MMAB: variants seen among roughly 807,000 people sequenced by gnomAD.
MMAB encodes metabolism of cobalamin associated B, also known as corrinoid adenosyltransferase MMAB.
Under a neutral mutation model 30.6 loss-of-function variants are expected in MMAB, and 17 were observed. The observed-to-expected ratio is 0.56, with a 90% CI of 0.38 to 0.83. MMAB has a LOEUF of 0.83. Among genes scored for constraint, MMAB ranks in the 40% least tolerant of loss-of-function variants. The pLI, the probability that MMAB is intolerant of heterozygous loss-of-function variation, is 0.00. For missense variants in MMAB, 311 were observed against 331.6 expected (o/e 0.94, Z 0.48); for synonymous variants, 134 against 138.6 (o/e 0.97, Z 0.23).
chr12:109,560,140 T>C (rs1884141285), intron 7 of MMAB, among the ~76,000 whole-genome samples: 2 of 152,340 alleles, frequency 1.3e-5, no homozygotes, highest in South Asian at 2.1e-4. Context: ...GCTTGTTCTG[T>C]TACCTGGGAT....
At chr12:109,567,172 G>GA (rs111916724) in intron 3 of MMAB, 14,904 of 313,462 alleles carry the variant, frequency 0.048, no homozygotes, top group South Asian at 0.076. Flanking sequence ...CTCCGTCTCG[G>GA]AAAAAAAAAA....
Position 109,561,465 on chromosome 12 carries a change from G to A in MMAB, c.474C>T (p.Asp158=). The change falls in exon 6 of 9, where the codon GAC becomes GAT. Residue 158 remains aspartate, a synonymous_variant. Coordinates refer to ENST00000545712, the MANE Select transcript of MMAB (RefSeq NM_052845.4). This position sits in a 1 kb window ranked among gnomAD's most constrained non-coding sequence, Gnocchi z 5.3. ...GTGGTGGGAGCTGGCTGGTGTACTTGTCGATCCACTGCTCCAGCTCCAGGA... is the reference window on the plus strand; with the variant it reads ...GTGGTGGGAGCTGGCTGGTGTACTTATCGATCCACTGCTCCAGCTCCAGGA... ...GPILELEQWI[D]KYTSQLPPLT... 1 of 1,550,618 alleles carries A rather than the reference G, an allele frequency of 6.4e-7. No homozygotes were observed. The highest frequency in any genetic ancestry group is 8.7e-7 in the Non-Finnish European group (1 of 1,146,976).
intron 1 of MMAB, among the ~76,000 whole-genome samples, chr12:109,572,411 A>ATTT (rs34992643): frequency 8.2e-4 from 98 of 119,014 alleles, no homozygotes; most frequent in Non-Finnish European, 1.4e-3. Context: ...CACCCAGCTA[A>ATTT]TTTTTTTTTT....
At position 109,553,724 on chromosome 12, in the gene MMAB, C is replaced by G. The variant is rs1347986719; in HGVS notation, c.*3304G>C. 4 of 395,336 alleles carry G rather than the reference C, an allele frequency of 1.0e-5. No individual in the cohort carries two copies. Among genetic ancestry groups the G allele is most frequent in the African/African-American group, 4.1e-5 (2 of 48,446 alleles). 24.5% of individuals were successfully genotyped at this position (395,336 alleles called of 1,614,324 possible). A position where few individuals can be genotyped will look rare whatever the true frequency, so the allele number is the denominator to read the frequency against. Reference sequence around the variant, plus strand: ...TCCTTCCAGGCACTGATTTATGTAGCATTCATGCGGAATTTATTATACAAA... The same window carrying G: ...TCCTTCCAGGCACTGATTTATGTAGGATTCATGCGGAATTTATTATACAAA... On this transcript the variant is annotated 3_prime_UTR_variant, in exon 9 of 9. Coordinates refer to ENST00000545712, the MANE Select transcript of MMAB (RefSeq NM_052845.4).
At chr12:109,563,686 G>A (rs186736709) in intron 4 of MMAB, among the ~76,000 whole-genome samples, 24 of 152,330 alleles carry the variant, frequency 1.6e-4, no homozygotes, top group Admixed American at 9.8e-4. Context: ...CTGCTACCGC[G>A]GCTCCTCAGG....
chr12:109,564,945 G>C, intron 4 of MMAB, 174 bp downstream of exon 4: 1 of 731,590 alleles, frequency 1.4e-6, no homozygotes, highest in Admixed American at 1.9e-5. Flanking sequence ...TGAGATTGCA[G>C]GTGTGAGCCA....
chr12:109,556,341 G>C lies in MMAB; in HGVS notation c.*687C>G. 2.2e-6 allele frequency: 1 copy of C among 453,868 alleles called. No individual in the cohort carries two copies. Among genetic ancestry groups the C allele is most frequent in the Non-Finnish European group, 4.4e-6 (1 of 226,632 alleles). 28.1% of individuals were successfully genotyped at this position (453,868 alleles called of 1,614,324 possible). A position where few individuals can be genotyped will look rare whatever the true frequency, so the allele number is the denominator to read the frequency against. ...ATGTTCACCTTCAAGTGGTAGTGTTGTTCTCATCAGCATCTCCATCCCTTT... is the reference window on the plus strand; with the variant it reads ...ATGTTCACCTTCAAGTGGTAGTGTTCTTCTCATCAGCATCTCCATCCCTTT... On this transcript the variant is annotated 3_prime_UTR_variant, in exon 9 of 9. Transcript: ENST00000545712.
chr12:109,555,279 T>TTC lies in MMAB; in HGVS notation c.*1748_*1749insGA, dbSNP rs1566128242. On this transcript the variant is annotated 3_prime_UTR_variant, in exon 9 of 9. Coordinates refer to ENST00000545712, the MANE Select transcript of MMAB (RefSeq NM_052845.4). ...CTTAGTGATTGCGTTTTCAGGGTTT[T>TTC]TTTTTTTTTTTTTTTTTTTTTGTGA... The TTC allele has an allele frequency of 2.4e-5, 5 of 205,764 alleles. No individual in the cohort carries two copies. Among genetic ancestry groups the TTC allele is most frequent in the Non-Finnish European group, 5.0e-5 (5 of 99,748 alleles). 12.7% of individuals were successfully genotyped at this position (205,764 alleles called of 1,614,324 possible).
At chr12:109,560,346 C>T (rs1252362991) in intron 7 of MMAB, among the ~76,000 whole-genome samples, 1 of 152,148 alleles carries the variant, frequency 6.6e-6, no homozygotes, top group African/African-American at 2.4e-5. Flanking sequence ...AAACAGAGGC[C>T]ACCACCACCT....
At chr12:109,562,164 C>G (rs1185417714) in intron 4 of MMAB, among the ~76,000 whole-genome samples, 1 of 152,130 alleles carries the variant, frequency 6.6e-6, no homozygotes, top group East Asian at 1.9e-4. Flanking sequence ...TAGCACCTCC[C>G]TCTTCACACT....
At chr12:109,571,502 A>G (rs1884624830) in intron 2 of MMAB, 147 bp downstream of exon 2, 3 of 725,258 alleles carry the variant, frequency 4.1e-6, no homozygotes, top group Middle Eastern at 2.4e-4. Flanking sequence ...TTAGCCCAAC[A>G]GGGCCTCCCA....
Position 109,558,408 on chromosome 12 carries a change from CCTGAGGTCACTTT to C in MMAB, c.644+675_644+687del, listed in dbSNP as rs138889196. ...TGGGAGGAGTGGCCACAGTCAAGGG[CCTGAGGTCACTTT>C]CTAGACACCCAGGACAGCTCCTGGG... On this transcript the variant is annotated intron_variant, in intron 8 of 8. Coordinates refer to ENST00000545712, the MANE Select transcript of MMAB (RefSeq NM_052845.4). This position sits in a 1 kb window ranked among gnomAD's most constrained non-coding sequence, Gnocchi z 4.3. Among the ~76,000 whole-genome samples the C allele has an allele frequency of 6.1e-4, 93 of 152,260 alleles. 1 individual carries two copies. In the East Asian group the frequency reaches 0.016, roughly 27 times the overall value.
intron 7 of MMAB, among the ~76,000 whole-genome samples, chr12:109,560,793 A>G (rs919726217): frequency 2.0e-5 from 3 of 152,178 alleles, no homozygotes; most frequent in African/African-American, 7.2e-5. Context: ...ACTTCACAAC[A>G]TGGTGCTCTG....
At chr12:109,559,589 GA>G (rs1884118460) in intron 7 of MMAB, among the ~76,000 whole-genome samples, 6 of 152,370 alleles carry the variant, frequency 3.9e-5, no homozygotes, top group Middle Eastern at 3.4e-3. Flanking sequence ...TCACAGGGGA[GA>G]AAAAGACCCA....
At chr12:109,567,830 G>C (rs1042883858) in intron 3 of MMAB, 4 of 152,116 alleles carry the variant, frequency 2.6e-5, no homozygotes, top group Non-Finnish European at 5.9e-5. Context: ...TAGAGATGAA[G>C]TCTTGCTATG....
At chr12:109,564,147 C>T (rs1593000765) in intron 4 of MMAB, among the ~76,000 whole-genome samples, 3 of 152,212 alleles carry the variant, frequency 2.0e-5, no homozygotes, top group African/African-American at 7.2e-5. Flanking sequence ...GGTCATTCTT[C>T]GTTGACGGGG....
At chr12:109,571,312 G>C (rs532465735) in intron 2 of MMAB, among the ~76,000 whole-genome samples, 34 of 151,440 alleles carry the variant, frequency 2.2e-4, no homozygotes, top group Non-Finnish European at 2.8e-4. Context: ...GCAGTGGCAT[G>C]ATCTTGGCTC....
chr12:109,561,584 C>G lies in MMAB; in HGVS notation c.422-67G>C. The G allele has an allele frequency of 5.1e-6, 7 of 1,374,132 alleles. No homozygotes were observed. Among genetic ancestry groups the G allele is most frequent in the Non-Finnish European group, 7.0e-6 (7 of 995,508 alleles). 85.1% of individuals were successfully genotyped at this position (1,374,132 alleles called of 1,614,324 possible). On this transcript the variant is annotated intron_variant, in intron 5 of 8. Transcript: ENST00000545712. The surrounding 1 kb of genome is among the most constrained non-coding windows in gnomAD (Gnocchi z 5.3). ...ACCCACCAGACCATGGCGGGAACCA[C>G]CCCCGCCGCCCTTCCACCTGGGTGT...
chr12:109,568,923 T>C, intron 2 of MMAB, 60 bp from the exon 3 acceptor site: 2 of 1,224,072 alleles, frequency 1.6e-6, no homozygotes. Flanking sequence ...TATGCTGTTT[T>C]TTTTTTTTTA....
Sources: allele counts gnomAD v4.1 joint callset (sites outside exome capture counted in the v4.1 genomes callset), GRCh38; gene constraint gnomAD v4.1.1; non-coding constraint Gnocchi (gnomAD v3.1); transcripts MANE v1.5; gene names NCBI Gene and HGNC (gene_info 2026-07-23, HGNC 2026-07-21).